The following SLC10A7 variants were observed in gnomAD, a reference collection of about 807,000 sequenced individuals.
SLC10A7 encodes the protein solute carrier family 10 member 7.
A neutral mutation model predicts 43.2 loss-of-function variants in SLC10A7; 29 were observed. The ratio of observed to expected loss-of-function variants is 0.67; its 90% CI spans 0.50 to 0.92. SLC10A7 has a LOEUF of 0.92. Ranked by LOEUF, SLC10A7 falls within the 40% of genes least tolerant of loss-of-function variation. The pLI is 0.00. For missense variants in SLC10A7, 295 were observed against 403.2 expected, an observed-to-expected ratio of 0.73 and a Z score of 2.30; for synonymous variants, 152 against 144.8, an observed-to-expected ratio of 1.05 and a Z score of -0.35.
At chr4:146,415,413 C>G (rs1728494837) in intron 5 of SLC10A7, among the ~76,000 whole-genome samples, 1 of 152,136 alleles carries the variant, frequency 6.6e-6, no homozygotes, top group Non-Finnish European at 1.5e-5. Flanking sequence ...GTATTTACTA[C>G]CATTTTACAT....
intron 7 of SLC10A7, among the ~76,000 whole-genome samples, chr4:146,304,556 G>A (rs1031901735): frequency 2.1e-4 from 32 of 152,216 alleles, no homozygotes; most frequent in Non-Finnish European, 4.0e-4. Flanking sequence ...GTAGTTGAGC[G>A]GTTTAGAGTG....
At chr4:146,509,492 C>G (rs931673198) in intron 3 of SLC10A7, among the ~76,000 whole-genome samples, 2 of 152,182 alleles carry the variant, frequency 1.3e-5, no homozygotes, top group African/African-American at 2.4e-5. Flanking sequence ...TTATATCAAA[C>G]ATAAAACAAT....
At chr4:146,348,306 A>G (rs75859348) in intron 5 of SLC10A7, among the ~76,000 whole-genome samples, 293 of 152,320 alleles carry the variant, frequency 1.9e-3, no homozygotes, top group Middle Eastern at 3.4e-3. Context: ...AATGCAATCT[A>G]AGATATCTTA....
At chr4:146,280,726 C>A (rs79833685) in intron 10 of SLC10A7, among the ~76,000 whole-genome samples, 1 of 152,054 alleles carries the variant, frequency 6.6e-6, no homozygotes, top group Admixed American at 6.6e-5. Flanking sequence ...ACATCCCTTG[C>A]TGTATGGGGG....
rs1392977457 is a variant in SLC10A7 at position 146,422,627 on chromosome 4, T to C, written c.435+20156A>G. Among the ~76,000 whole-genome samples the C allele has an allele frequency of 3.3e-5, 5 of 152,270 alleles. No homozygotes were observed. In the East Asian group the frequency reaches 7.7e-4, roughly 23 times the overall value. ...TGCAGAAATCCAGCTATGACAAACA[T>C]TAGACCTGATTTTCTTATATGTATT... On this transcript the variant is annotated intron_variant, in intron 5 of 11. Coordinates refer to ENST00000335472, the MANE Select transcript of SLC10A7 (RefSeq NM_001029998.6).
chr4:146,354,249 C>T (rs1735382804), intron 5 of SLC10A7, among the ~76,000 whole-genome samples: 1 of 150,824 alleles, frequency 6.6e-6, no homozygotes, highest in African/African-American at 2.4e-5. Context: ...CAACAACAGA[C>T]AAACAGAGAG....
chr4:146,423,716 A>T (rs1216947251), intron 5 of SLC10A7, among the ~76,000 whole-genome samples: 1 of 152,256 alleles, frequency 6.6e-6, no homozygotes, highest in Non-Finnish European at 1.5e-5. Flanking sequence ...AAATAAGAAG[A>T]ACGTAATATG....
At chr4:146,295,322 T>A (rs1335122018) in intron 7 of SLC10A7, among the ~76,000 whole-genome samples, 1 of 152,058 alleles carries the variant, frequency 6.6e-6, no homozygotes, top group Non-Finnish European at 1.5e-5. Flanking sequence ...TGGGAATAAA[T>A]GGAAAGTGTG....
In SLC10A7 at chr4:146,425,771, C is replaced by T. The variant is rs1560895866; in HGVS notation, c.435+17012G>A. Among the ~76,000 whole-genome samples the T allele has an allele frequency of 2.0e-5, 3 of 152,288 alleles. No individual in the cohort carries two copies. The East Asian group carries it at 5.8e-4, about 29-fold the overall frequency. ...ATGATTGAGAATACCTATCTAAGCA[C>T]TACCTGGGAAAGAAGATCGCTGGTC... On this transcript the variant is annotated intron_variant, in intron 5 of 11. Coordinates refer to ENST00000335472, the MANE Select transcript of SLC10A7 (RefSeq NM_001029998.6).
Position 146,335,224 on chromosome 4 carries a change from C to G in SLC10A7, c.436-9228G>C, listed in dbSNP as rs1733798146. On this transcript the variant is annotated intron_variant, in intron 5 of 11. Coordinates refer to ENST00000335472, the MANE Select transcript of SLC10A7 (RefSeq NM_001029998.6). ...AATGTTATTGTCTCTTTCTTTTTAA[C>G]TCATTAAAGTGTTGCCACAGATGTT... Among the ~76,000 whole-genome samples, 3 of 120,034 alleles carry G rather than the reference C, an allele frequency of 2.5e-5. No homozygotes were observed. The Admixed American group carries it at 3.1e-4, about 12-fold the overall frequency. 78.7% of individuals were successfully genotyped at this position (120,034 alleles called of 152,430 possible).
intron 5 of SLC10A7, among the ~76,000 whole-genome samples, chr4:146,426,822 C>T (rs1356884185): frequency 2.6e-5 from 4 of 151,966 alleles, no homozygotes; most frequent in African/African-American, 4.8e-5. Flanking sequence ...TTGCAGTGAG[C>T]CAAGATAGCT....
At chr4:146,517,235 A>C in intron 1 of SLC10A7, 115 bp from the exon 2 acceptor site, 1 of 695,412 alleles carries the variant, frequency 1.4e-6, no homozygotes, top group Non-Finnish European at 2.3e-6. Flanking sequence ...GGCCGAGGCG[A>C]GTAGAGCACT....
chr4:146,307,097 T>A (rs537299257), intron 6 of SLC10A7, among the ~76,000 whole-genome samples: 1 of 152,180 alleles, frequency 6.6e-6, no homozygotes, highest in Non-Finnish European at 1.5e-5. Flanking sequence ...ACGGGAACAG[T>A]GTTTTCACTG....
chr4:146,375,371 C>T (rs536026341), intron 5 of SLC10A7, among the ~76,000 whole-genome samples: 2 of 152,208 alleles, frequency 1.3e-5, no homozygotes, highest in South Asian at 4.1e-4. Flanking sequence ...CTTACCTTTG[C>T]ATTCATTGTT....
intron 4 of SLC10A7, among the ~76,000 whole-genome samples, chr4:146,465,142 T>C (rs1732900610): frequency 1.3e-5 from 2 of 152,264 alleles, no homozygotes; most frequent in Admixed American, 6.5e-5. Flanking sequence ...CTGTGCGTAA[T>C]TAACACATAT....
At position 146,442,597 on chromosome 4, in the gene SLC10A7, T is replaced by C. The variant is rs186335242; in HGVS notation, c.435+186A>G. On this transcript the variant is annotated intron_variant, in intron 5 of 11. Transcript: ENST00000335472. Reference sequence around the variant, plus strand: ...TAAAACCCAAACCTCCAAAATATATTGTAAGAGAACATTTGCTTTATTCAT... The same window carrying C: ...TAAAACCCAAACCTCCAAAATATATCGTAAGAGAACATTTGCTTTATTCAT... The C allele has an allele frequency of 4.9e-6, 7 of 1,437,886 alleles. No individual in the cohort carries two copies. The East Asian group carries it at 1.7e-4, about 35-fold the overall frequency. 89.1% of individuals were successfully genotyped at this position (1,437,886 alleles called of 1,614,324 possible). A position where few individuals can be genotyped will look rare whatever the true frequency, so the allele number is the denominator to read the frequency against.
At chr4:146,461,955 C>T (rs546078010) in intron 4 of SLC10A7, among the ~76,000 whole-genome samples, 1 of 151,802 alleles carries the variant, frequency 6.6e-6, no homozygotes, top group Non-Finnish European at 1.5e-5. Context: ...TCAGCCCCCA[C>T]TCCCTAAAAG....
intron 6 of SLC10A7, among the ~76,000 whole-genome samples, chr4:146,314,795 G>A (rs1016972314): frequency 2.0e-5 from 3 of 152,056 alleles, no homozygotes; most frequent in African/African-American, 7.2e-5. Flanking sequence ...TCATTCTAAT[G>A]GTAAAAACTC....
At chr4:146,461,532 T>G (rs535684637) in intron 4 of SLC10A7, among the ~76,000 whole-genome samples, 1 of 152,010 alleles carries the variant, frequency 6.6e-6, no homozygotes, top group Non-Finnish European at 1.5e-5. Context: ...TGGGGAATGA[T>G]TCACTAATGA....
Sources: gnomAD v4.1 joint callset for allele counts (sites outside exome capture counted in the v4.1 genomes callset) on GRCh38, gnomAD v4.1.1 for gene constraint, MANE v1.5 for transcripts, NCBI Gene and HGNC (gene_info 2026-07-23, HGNC 2026-07-21) for gene names.